Variants in LPIN3 observed in about 807,000 individuals in gnomAD.
LPIN3 encodes lipin 3.
A neutral mutation model predicts 94.7 loss-of-function variants in LPIN3; 82 were observed. The ratio of observed to expected loss-of-function variants is 0.87; its 90% CI spans 0.72 to 1.04. The LOEUF (loss-of-function observed/expected upper bound fraction) is 1.04. Ranked by LOEUF, LPIN3 falls within the 50% of genes least tolerant of loss-of-function variation. LPIN3 has a pLI of 0.00. For synonymous variants in LPIN3, 418 were observed against 443.3 expected, an observed-to-expected ratio of 0.94 and a Z score of 0.72; for missense variants, 996 against 1,090.5, an observed-to-expected ratio of 0.91 and a Z score of 1.22.
At position 41,345,845 on chromosome 20, in the gene LPIN3, G is replaced by A. The variant is rs368891655; in HGVS notation, c.42G>A (p.Thr14=). 5.0e-6 allele frequency: 8 copies of A among 1,614,014 alleles called. No individual in the cohort carries two copies. Among genetic ancestry groups the A allele is most frequent in the East Asian group, 4.5e-5 (2 of 44,888 alleles). The change falls in exon 2 of 20, where the codon ACG becomes ACA. Residue 14 remains threonine, a synonymous_variant. Coordinates refer to ENST00000373257, the MANE Select transcript of LPIN3 (RefSeq NM_022896.3). ...VGQLAETVFG[T]VKELYRGLNP... ...AGCTGGCGGAGACGGTGTTTGGGAC[G>A]GTGAAGGAGCTGTACCGGGGCCTGA...
intron 9 of LPIN3, 132 bp downstream of exon 9, chr20:41,352,352 C>G: frequency 9.3e-7 from 1 of 1,077,158 alleles, no homozygotes; most frequent in Non-Finnish European, 1.4e-6. Flanking sequence ...CTGCCCTGTG[C>G]AGTCCACACT....
At chr20:41,357,500 G>T in intron 16 of LPIN3, 53 bp downstream of exon 16, 1 of 1,473,548 alleles carries the variant, frequency 6.8e-7, no homozygotes. Context: ...GCTCTAGAGA[G>T]GGAGTGACAG....
At chr20:41,351,158 C>G (rs1279376930) in intron 7 of LPIN3, among the ~76,000 whole-genome samples, 1 of 151,330 alleles carries the variant, frequency 6.6e-6, no homozygotes, top group African/African-American at 2.4e-5. Flanking sequence ...GAGGCTGAGG[C>G]AGGAGGGTCA....
intron 13 of LPIN3, 61 bp downstream of exon 13, chr20:41,354,924 C>CA: frequency 6.6e-7 from 1 of 1,506,808 alleles, no homozygotes; most frequent in South Asian, 1.2e-5. Context: ...GCCCTGGGTG[C>CA]AGGTGGGTGG....
In LPIN3 at chr20:41,348,838, G is replaced by A. The variant is rs750213752; in HGVS notation, c.508G>A (p.Ala170Thr). Reference protein sequence around the residue: ...DSSPEELEAGAESELSLPEKL... With the variant: ...DSSPEELEAGTESELSLPEKL... ...TAGTCCAGAGGAACTGGAGGCAGGC[G>A]CTGAGAGTGAGCTATCCCTGCCGGA... Residue 170 changes from alanine to threonine, a missense_variant, in exon 4 of 20, where the codon GCT (alanine) becomes ACT (threonine). Transcript: ENST00000373257. The A allele has an allele frequency of 3.1e-5, 50 of 1,609,330 alleles. No individual in the cohort carries two copies. The highest frequency in any genetic ancestry group is 3.8e-5 in the Non-Finnish European group (45 of 1,177,976).
chr20:41,342,924 C>T lies in LPIN3; in HGVS notation c.-9+1922C>T, dbSNP rs77391313. Among the ~76,000 whole-genome samples the T allele has an allele frequency of 1.1e-3, 164 of 152,288 alleles. 1 individual carries two copies. The East Asian group carries it at 0.028, about 26-fold the overall frequency. On this transcript the variant is annotated intron_variant, in intron 1 of 19. Coordinates refer to ENST00000373257, the MANE Select transcript of LPIN3 (RefSeq NM_022896.3). ...CCTGAGAATACTCCAGGGCTGGATC[C>T]GAGTAGGACCCCGGGTGCCATCTCT...
chr20:41,345,164 T>G (rs1367769160), intron 1 of LPIN3, among the ~76,000 whole-genome samples: 1 of 152,200 alleles, frequency 6.6e-6, no homozygotes, highest in Non-Finnish European at 1.5e-5. Flanking sequence ...CGTTCCCACT[T>G]CTTGGGAAAA....
chr20:41,346,051 G>T, intron 2 of LPIN3, 56 bp downstream of exon 2: 1 of 1,560,078 alleles, frequency 6.4e-7, no homozygotes. Context: ...TTAAGCTGGG[G>T]CAGCCACTAC....
chr20:41,347,748 GAGCACCCCACC>G, intron 3 of LPIN3, 101 bp downstream of exon 3: 1 of 1,033,466 alleles, frequency 9.7e-7, no homozygotes, highest in South Asian at 1.6e-5. Flanking sequence ...CCTTCCCCGG[GAGCACCCCACC>G]AGCAGAGGTC....
intron 17 of LPIN3, 64 bp from the exon 18 acceptor site, chr20:41,358,173 G>A: frequency 1.9e-6 from 3 of 1,587,144 alleles, no homozygotes; most frequent in South Asian, 1.1e-5. Context: ...ACCTGAGCCT[G>A]CCATCCCCTC....
chr20:41,349,953 G>A (rs571930350), intron 6 of LPIN3, 59 bp downstream of exon 6: 68 of 1,579,332 alleles, frequency 4.3e-5, no homozygotes, highest in Non-Finnish European at 5.8e-5. Flanking sequence ...GGCCCCCATG[G>A]GTCAGGGTTG....
intron 1 of LPIN3, 64 bp from the exon 2 acceptor site, chr20:41,345,732 G>A (rs2045744148): frequency 3.9e-6 from 6 of 1,520,010 alleles, no homozygotes; most frequent in Non-Finnish European, 5.4e-6. Flanking sequence ...TGGTCAGGCT[G>A]CAGGAGCTTC....
chr20:41,358,468 G>T lies in LPIN3; in HGVS notation c.2337G>T (p.Leu779=), dbSNP rs145669913. The change falls in exon 19 of 20, where the codon CTG becomes CTT. Residue 779 remains leucine, a synonymous_variant. Coordinates refer to ENST00000373257, the MANE Select transcript of LPIN3 (RefSeq NM_022896.3). Reference sequence around the variant, plus strand: ...TCTTTGCCTACCGGCAGGTGGGCCTGCCTGAGTCACGCATCTTCACAGTCA... The same window carrying T: ...TCTTTGCCTACCGGCAGGTGGGCCTTCCTGAGTCACGCATCTTCACAGTCA... ...NDVFAYRQVG[L]PESRIFTVNP... is the part of the protein sequence containing the mutation. 1 of 1,614,062 alleles carries T rather than the reference G, an allele frequency of 6.2e-7. No homozygotes were observed. The highest frequency in any genetic ancestry group is 8.5e-7 in the Non-Finnish European group (1 of 1,180,014).
intron 3 of LPIN3, 98 bp from the exon 4 acceptor site, chr20:41,348,521 T>A (rs926594264): frequency 2.1e-4 from 321 of 1,498,984 alleles, no homozygotes; most frequent in Non-Finnish European, 2.8e-4. Flanking sequence ...ATGAGCTCAC[T>A]CCAGGGCTGG....
chr20:41,351,650 A>G (rs900181257), intron 7 of LPIN3, among the ~76,000 whole-genome samples, 171 bp from the exon 8 acceptor site: 6 of 152,148 alleles, frequency 3.9e-5, no homozygotes, highest in African/African-American at 1.4e-4. Context: ...CTCAATAGCC[A>G]CATGTGGCTA....
intron 19 of LPIN3, 77 bp from the exon 20 acceptor site, chr20:41,358,645 A>G: frequency 6.2e-7 from 1 of 1,602,292 alleles, no homozygotes. Context: ...TCTGTCCCTT[A>G]CTCTGGGACA....
rs201412342 is a variant in LPIN3 at position 41,352,188 on chromosome 20, G to A, written c.1331G>A (p.Gly444Asp). 4.3e-6 allele frequency: 7 copies of A among 1,614,094 alleles called. No homozygotes were observed. Among genetic ancestry groups the A allele is most frequent in the Non-Finnish European group, 5.9e-6 (7 of 1,180,044 alleles). Residue 444 changes from glycine (G) to aspartate (D), a missense_variant, in exon 9 of 20, where the codon GGT (glycine) becomes GAT (aspartate). Coordinates refer to ENST00000373257, the MANE Select transcript of LPIN3 (RefSeq NM_022896.3). ...TVDTIALSLC[G>D]GLADSRDISL... The stretch of plus-strand genomic sequence containing the variant: ...GATACAATAGCACTGTCCCTCTGTG[G>A]TGGACTGGCTGACAGCCGGGACATC...
chr20:41,357,081 C>G lies in LPIN3; in HGVS notation c.1845C>G (p.Phe615Leu). 1 of 1,614,076 alleles carries G rather than the reference C, an allele frequency of 6.2e-7. No homozygotes were observed. Residue 615 changes from phenylalanine (F) to leucine (L), a missense_variant, in exon 15 of 20, where the codon TTC (phenylalanine) becomes TTG (leucine). Coordinates refer to ENST00000373257, the MANE Select transcript of LPIN3 (RefSeq NM_022896.3). ...AAGAAGGTGCCAATGATGTGGTCTT[C>G]AGCGTGACCACTCAGTACCAGGGCA... Reference protein sequence around the residue: ...NLQEGANDVVFSVTTQYQGTC... With the variant: ...NLQEGANDVVLSVTTQYQGTC...
At chr20:41,347,444 G>A in intron 2 of LPIN3, 108 bp from the exon 3 acceptor site, 2 of 1,008,310 alleles carry the variant, frequency 2.0e-6, no homozygotes, top group Non-Finnish European at 3.1e-6. Flanking sequence ...ACCCCAGCAA[G>A]TATGGTGTTT....
Sources: allele counts gnomAD v4.1 joint callset (sites outside exome capture counted in the v4.1 genomes callset), GRCh38; gene constraint gnomAD v4.1.1; transcripts MANE v1.5; gene names NCBI Gene and HGNC (gene_info 2026-07-23, HGNC 2026-07-21).